Variants in PCDHA5 observed in about 807,000 individuals in gnomAD.
PCDHA5 encodes protocadherin alpha 5.
In PCDHA5, 43 loss-of-function variants were observed where a neutral mutation model predicts 61.6. The observed-to-expected ratio is 0.70, with a 90% CI of 0.55 to 0.90. The LOEUF (loss-of-function observed/expected upper bound fraction) is 0.90, where lower values mean the gene tolerates loss of function less well. Ranked by LOEUF, PCDHA5 falls within the 40% of genes least tolerant of loss-of-function variation. PCDHA5 has a pLI of 0.00. For missense variants in PCDHA5, 1,298 were observed against 1,222.7 expected, an observed-to-expected ratio of 1.06 and a Z score of -0.92; for synonymous variants, 627 against 543.9, an observed-to-expected ratio of 1.15 and a Z score of -2.13.
At chr5:140,877,533 G>A (rs1554169813) in intron 1 of PCDHA5, 2 of 1,613,790 alleles carry the variant, frequency 1.2e-6, no homozygotes, top group South Asian at 2.2e-5. Context: ...TGGGCGCTGT[G>A]GATCCCGAAG....
intron 1 of PCDHA5, chr5:140,852,024 C>T (rs1554145640): frequency 4.2e-6 from 4 of 949,416 alleles, no homozygotes; most frequent in East Asian, 1.1e-4. Flanking sequence ...TTAAAAACTT[C>T]GCTTATTGAG....
At chr5:140,981,338 G>A (rs1563488090) in intron 2 of PCDHA5, among the ~76,000 whole-genome samples, 1 of 152,100 alleles carries the variant, frequency 6.6e-6, no homozygotes, top group Non-Finnish European at 1.5e-5. Context: ...CTTTGGGAGG[G>A]TGAGGCAGGT....
intron 1 of PCDHA5, among the ~76,000 whole-genome samples, chr5:140,895,581 TTAGA>T (rs1442561424): frequency 6.6e-6 from 1 of 152,216 alleles, no homozygotes; most frequent in Non-Finnish European, 1.5e-5. Flanking sequence ...AATTACTTTA[TTAGA>T]TATATAATTT....
intron 1 of PCDHA5, among the ~76,000 whole-genome samples, chr5:140,924,669 C>T (rs2081944464): frequency 6.6e-6 from 1 of 151,998 alleles, no homozygotes; most frequent in African/African-American, 2.4e-5. Flanking sequence ...CCGAGGCAGG[C>T]CAATCACTTG....
In PCDHA5 at chr5:140,857,333, G is replaced by A. The variant is rs200210897; in HGVS notation, c.2352+33206G>A. 35 of 1,598,586 alleles carry A rather than the reference G, an allele frequency of 2.2e-5. 1 individual carries two copies. The highest frequency in any genetic ancestry group is 4.4e-5 in the South Asian group (4 of 90,524). On this transcript the variant is annotated intron_variant, in intron 1 of 3. Coordinates refer to ENST00000529859, the MANE Select transcript of PCDHA5 (RefSeq NM_018908.3). ...TGAGCTGGTGGTGACCGCGCGGGAC[G>A]GGGGCTCGCCTCCGCTGTGGGCCAC... is the stretch of plus-strand genomic sequence containing the variant.
intron 1 of PCDHA5, among the ~76,000 whole-genome samples, chr5:140,847,260 T>G (rs1285482056): frequency 6.7e-6 from 1 of 149,726 alleles, no homozygotes; most frequent in Non-Finnish European, 1.5e-5. Context: ...TCACGACTTT[T>G]GAAAGAAGGT....
At chr5:140,835,501 G>A in intron 1 of PCDHA5, 2 of 1,613,940 alleles carry the variant, frequency 1.2e-6, no homozygotes, top group Non-Finnish European at 1.7e-6. Flanking sequence ...ACATTGATTA[G>A]CGTGTTTGAC....
At chr5:141,008,626 A>G (rs375674921) in intron 3 of PCDHA5, among the ~76,000 whole-genome samples, 1 of 152,222 alleles carries the variant, frequency 6.6e-6, no homozygotes. Context: ...TTTCTCAAGT[A>G]TAATTAACAA....
intron 1 of PCDHA5, among the ~76,000 whole-genome samples, chr5:140,917,013 A>G (rs565656440): frequency 2.6e-4 from 39 of 152,080 alleles, no homozygotes; most frequent in Non-Finnish European, 4.6e-4. Context: ...ATCTCCCTTC[A>G]TGTGCAGCTG....
rs1581023239 is a variant in PCDHA5, at chr5:140,842,959, C to T, written c.2352+18832C>T. Reference sequence around the variant, plus strand: ...GCGACGCGGGCGTGCCGCCTCTGGGCAGCAACGTGACGCTGCAGGTGTTCG... The same window carrying T: ...GCGACGCGGGCGTGCCGCCTCTGGGTAGCAACGTGACGCTGCAGGTGTTCG... On this transcript the variant is annotated intron_variant, in intron 1 of 3. Transcript: ENST00000529859. The T allele has an allele frequency of 1.9e-6, 3 of 1,594,954 alleles. No individual in the cohort carries two copies. The East Asian group carries it at 6.7e-5, about 36-fold the overall frequency.
intron 1 of PCDHA5, among the ~76,000 whole-genome samples, chr5:140,974,022 A>G (rs1348109814): frequency 2.0e-5 from 3 of 152,248 alleles, no homozygotes; most frequent in African/African-American, 4.8e-5. Context: ...TGATAATACA[A>G]CTATAAATTT....
chr5:140,870,200 C>A, intron 1 of PCDHA5: 1 of 1,614,174 alleles, frequency 6.2e-7, no homozygotes, highest in South Asian at 1.1e-5. Flanking sequence ...CAGCCCAGCA[C>A]GGTCATTGCC....
At chr5:140,923,093 A>G (rs1372910044) in intron 1 of PCDHA5, among the ~76,000 whole-genome samples, 3 of 152,194 alleles carry the variant, frequency 2.0e-5, no homozygotes, top group Admixed American at 6.5e-5. Flanking sequence ...TATTTGACCA[A>G]TGGGAGTATG....
intron 1 of PCDHA5, chr5:140,876,527 T>C (rs2056400042): frequency 6.2e-6 from 10 of 1,614,112 alleles, no homozygotes; most frequent in Non-Finnish European, 7.6e-6. Context: ...GAAGTAATGG[T>C]TACTTCACTG....
chr5:140,862,503 A>T (rs2047399158), intron 1 of PCDHA5: 5 of 398,958 alleles, frequency 1.3e-5, no homozygotes, highest in Non-Finnish European at 2.5e-5. Context: ...CGGAATGGGG[A>T]CTCGCTTTCA....
chr5:140,874,124 TTTAAG>T (rs373641315), intron 1 of PCDHA5, among the ~76,000 whole-genome samples: 322 of 152,384 alleles, frequency 2.1e-3, no homozygotes, highest in African/African-American at 7.5e-3. Context: ...TTATAGTTTA[TTTAAG>T]TTATCTTATA....
chr5:140,876,524 T>C (rs2056397184), intron 1 of PCDHA5: 1 of 1,614,018 alleles, frequency 6.2e-7, no homozygotes, highest in African/African-American at 1.3e-5. Flanking sequence ...CCTGAAGTAA[T>C]GGTTACTTCA....
chr5:140,836,075 A>G (rs2150252045), intron 1 of PCDHA5: 15 of 1,613,656 alleles, frequency 9.3e-6, no homozygotes, highest in South Asian at 2.2e-5. Context: ...ACGCGCCGGC[A>G]CTGCTGGCGC....
rs114370861 is a variant in PCDHA5 at position 140,845,840 on chromosome 5, G to A, written c.2352+21713G>A. 5.2e-3 allele frequency among the ~76,000 whole-genome samples: 775 copies of A among 149,794 alleles called. 45 individuals are homozygous for A. Among genetic ancestry groups the A allele is most frequent in the African/African-American group, 0.018 (745 of 40,934 alleles). On this transcript the variant is annotated intron_variant, in intron 1 of 3. Transcript: ENST00000529859. The stretch of plus-strand genomic sequence containing the variant: ...AAAATTTAGTTATTACCATTCTTAA[G>A]AGAAAAGAAGTTAGTGATTGCAGAA...
Sources: gnomAD v4.1 joint callset for allele counts (sites outside exome capture counted in the v4.1 genomes callset) on GRCh38, gnomAD v4.1.1 for gene constraint, MANE v1.5 for transcripts, NCBI Gene and HGNC (gene_info 2026-07-23, HGNC 2026-07-21) for gene names.